ATXN7: variants seen among roughly 807,000 people sequenced by gnomAD.
ATXN7 encodes the protein ataxin 7.
ATXN7 carries 12 observed loss-of-function variants against 70.5 expected under a neutral mutation model. The observed-to-expected ratio is 0.17, with a 90% CI of 0.11 to 0.28. ATXN7 has a LOEUF of 0.28. Among genes scored for constraint, ATXN7 ranks in the 10% least tolerant of loss-of-function variants. The probability of loss-of-function intolerance (pLI) is 1.00; values close to 1 mark genes in which losing one functional copy is unlikely to be tolerated. For synonymous variants in ATXN7, 498 were observed against 448.7 expected (o/e 1.11, Z -1.39); for missense variants, 1,256 against 1,131.7 (o/e 1.11, Z -1.58).
At chr3:63,922,393 C>T (rs909927184) in intron 4 of ATXN7, among the ~76,000 whole-genome samples, 6 of 152,126 alleles carry the variant, frequency 3.9e-5, no homozygotes, top group Admixed American at 3.9e-4. Context: ...TGGGAGGTGA[C>T]ATTTCTTAGT....
intron 5 of ATXN7, among the ~76,000 whole-genome samples, chr3:63,970,908 A>G (rs2075301714): frequency 6.6e-6 from 1 of 152,198 alleles, no homozygotes. Flanking sequence ...TATGTCATAA[A>G]GCGCTGACTT....
intron 1 of ATXN7, among the ~76,000 whole-genome samples, chr3:63,898,129 A>G (rs1255759230): frequency 6.6e-6 from 1 of 152,198 alleles, no homozygotes; most frequent in Admixed American, 6.5e-5. Flanking sequence ...ATTATATACA[A>G]TGATTTTAAG....
At position 64,001,234 on chromosome 3, in the gene ATXN7, T is replaced by C. The variant is rs533975414; in HGVS notation, c.*1767T>C. ...AATTGATGTAAAATACTGATTTTTT[T>C]AAAGGAAGGAGAGAACAGTATCTTG... On this transcript the variant is annotated 3_prime_UTR_variant, in exon 13 of 13. Coordinates refer to ENST00000674280, the MANE Select transcript of ATXN7 (RefSeq NM_001377405.1). 1.5e-4 allele frequency: 23 copies of C among 152,352 alleles called. No individual in the cohort carries two copies. The highest frequency in any genetic ancestry group is 9.8e-4 in the Admixed American group (15 of 15,308). The allele number at this position is 152,352 out of a possible 1,614,324, so 9.4% of individuals were successfully genotyped here.
intron 4 of ATXN7, among the ~76,000 whole-genome samples, chr3:63,946,847 T>C (rs1305411285): frequency 6.6e-6 from 1 of 151,986 alleles, no homozygotes; most frequent in African/African-American, 2.4e-5. Flanking sequence ...AGTGGTATTA[T>C]TGCTTTACAA....
At chr3:63,875,672 AC>A (rs1175081012) in intron 1 of ATXN7, among the ~76,000 whole-genome samples, 1 of 151,810 alleles carries the variant, frequency 6.6e-6, no homozygotes, top group Non-Finnish European at 1.5e-5. Flanking sequence ...TGATGTAGTC[AC>A]TCGTCCTTTC....
At chr3:63,951,611 A>G (rs1031210209) in intron 4 of ATXN7, among the ~76,000 whole-genome samples, 1 of 152,216 alleles carries the variant, frequency 6.6e-6, no homozygotes, top group Non-Finnish European at 1.5e-5. Context: ...ATTGTTGTTC[A>G]TAATTAATTG....
chr3:63,960,532 T>G (rs2075110988), intron 5 of ATXN7, among the ~76,000 whole-genome samples: 1 of 151,978 alleles, frequency 6.6e-6, no homozygotes, highest in Admixed American at 6.5e-5. Context: ...AAGCTTAGAT[T>G]AGGATTGTAG....
At chr3:63,887,431 C>A (rs746044668) in intron 1 of ATXN7, among the ~76,000 whole-genome samples, 2 of 152,072 alleles carry the variant, frequency 1.3e-5, no homozygotes, top group Admixed American at 1.3e-4. Context: ...TCTATTGTTT[C>A]GTAGTCACAT....
chr3:63,979,873 G>A lies in ATXN7; in HGVS notation c.500-42G>A, dbSNP rs372659899. 1.9e-5 allele frequency: 30 copies of A among 1,607,700 alleles called. No individual in the cohort carries two copies. The Admixed American group carries it at 2.2e-4, about 12-fold the overall frequency. On this transcript the variant is annotated intron_variant, in intron 5 of 12. Transcript: ENST00000674280. ...TCTTCCAGAATTACATTTGAGATTC[G>A]CCTAAAACATGATGTCTTTTTTTCT... is the stretch of plus-strand genomic sequence containing the variant.
At chr3:63,896,938 C>T (rs1225586141) in intron 1 of ATXN7, among the ~76,000 whole-genome samples, 3 of 152,116 alleles carry the variant, frequency 2.0e-5, no homozygotes, top group Admixed American at 2.0e-4. Flanking sequence ...AATGGCTTGA[C>T]CTAGTGAAAT....
intron 1 of ATXN7, among the ~76,000 whole-genome samples, chr3:63,879,348 C>T (rs1410448995): frequency 6.6e-6 from 1 of 152,102 alleles, no homozygotes; most frequent in Non-Finnish European, 1.5e-5. Context: ...AAAAAATATG[C>T]ATATGAACTG....
At chr3:63,882,289 G>C (rs538256705) in intron 1 of ATXN7, among the ~76,000 whole-genome samples, 2 of 152,028 alleles carry the variant, frequency 1.3e-5, no homozygotes, top group African/African-American at 4.8e-5. Context: ...TCAGCTTGTC[G>C]TGCAACATTT....
chr3:63,987,240 G>A (rs963884594), intron 8 of ATXN7, among the ~76,000 whole-genome samples: 4 of 152,144 alleles, frequency 2.6e-5, no homozygotes, highest in African/African-American at 9.7e-5. Context: ...TTTCTTATAC[G>A]ATTTGCTTCA....
At chr3:63,969,610 T>G (rs2075280408) in intron 5 of ATXN7, among the ~76,000 whole-genome samples, 1 of 152,238 alleles carries the variant, frequency 6.6e-6, no homozygotes, top group African/African-American at 2.4e-5. Context: ...TAGTTTTGTT[T>G]TGTTTTTTTA....
intron 5 of ATXN7, among the ~76,000 whole-genome samples, chr3:63,963,928 T>C (rs908940461): frequency 5.3e-5 from 8 of 152,324 alleles, no homozygotes; most frequent in African/African-American, 1.9e-4. Flanking sequence ...TAGCTGCTGC[T>C]GGATTGCTTT....
At chr3:63,876,102 T>G (rs1559617112) in intron 1 of ATXN7, among the ~76,000 whole-genome samples, 1 of 152,178 alleles carries the variant, frequency 6.6e-6, no homozygotes, top group Non-Finnish European at 1.5e-5. Flanking sequence ...ATTTTTAGTT[T>G]GTTTGTTTTT....
chr3:63,933,729 T>C (rs2074601667), intron 4 of ATXN7, among the ~76,000 whole-genome samples: 1 of 152,178 alleles, frequency 6.6e-6, no homozygotes, highest in African/African-American at 2.4e-5. Context: ...GTCCCTTGTA[T>C]CCCTCTCAAT....
At chr3:63,941,729 A>C (rs987093016) in intron 4 of ATXN7, among the ~76,000 whole-genome samples, 1 of 152,094 alleles carries the variant, frequency 6.6e-6, no homozygotes, top group Non-Finnish European at 1.5e-5. Context: ...TGGTTCCATC[A>C]TTTGACATCT....
rs564206939 is a variant in ATXN7, at chr3:63,945,800, G to A, written c.395-6579G>A. 1.2e-4 allele frequency among the ~76,000 whole-genome samples: 18 copies of A among 152,292 alleles called. 1 individual carries two copies. The South Asian group carries it at 3.1e-3, about 26-fold the overall frequency. ...AGCCCTACCTAGCCAAGTCTCTGGG[G>A]AAGCCACATTGAAGCTAAGACCGAA... is the stretch of plus-strand genomic sequence containing the variant. On this transcript the variant is annotated intron_variant, in intron 4 of 12. Transcript: ENST00000674280.
Sources: allele counts gnomAD v4.1 joint callset (sites outside exome capture counted in the v4.1 genomes callset), GRCh38; gene constraint gnomAD v4.1.1; transcripts MANE v1.5; gene names NCBI Gene and HGNC (gene_info 2026-07-23, HGNC 2026-07-21).